Variants in NRXN1 observed in about 807,000 individuals in gnomAD.
NRXN1 encodes the protein neurexin 1, also known as neurexin-1.
Under a neutral mutation model 150.9 loss-of-function variants are expected in NRXN1, and 39 were observed. The observed-to-expected ratio is 0.26, with a 90% CI of 0.20 to 0.34. The LOEUF (loss-of-function observed/expected upper bound fraction) is 0.34, where lower values mean the gene tolerates loss of function less well. NRXN1 is among the 10% of genes least tolerant of loss of function. NRXN1 has a pLI of 1.00. For synonymous variants in NRXN1, 924 were observed against 757.0 expected (o/e 1.22, Z -3.62); for missense variants, 1,815 against 1,949.9 (o/e 0.93, Z 1.30).
At chr2:50,122,973 TTC>T (rs1704074166) in intron 18 of NRXN1, among the ~76,000 whole-genome samples, 1 of 152,226 alleles carries the variant, frequency 6.6e-6, no homozygotes, top group Admixed American at 6.5e-5. Context: ...AAAATTTGTC[TTC>T]TCTCTGTTTG....
chr2:50,374,485 C>T (rs1321087699), intron 17 of NRXN1, among the ~76,000 whole-genome samples: 2 of 151,908 alleles, frequency 1.3e-5, no homozygotes, highest in African/African-American at 4.8e-5. Context: ...AACTCATAGA[C>T]ATAAGTGGAA....
intron 17 of NRXN1, among the ~76,000 whole-genome samples, chr2:50,446,593 C>T (rs990851880): frequency 7.0e-6 from 1 of 142,320 alleles, no homozygotes; most frequent in Admixed American, 7.2e-5. Context: ...TTCCTTCCTT[C>T]CTCCCTCCCT....
intron 5 of NRXN1, among the ~76,000 whole-genome samples, chr2:50,807,335 A>G (rs1257775490): frequency 6.6e-6 from 1 of 152,146 alleles, no homozygotes; most frequent in Non-Finnish European, 1.5e-5. Flanking sequence ...GGGATCAACT[A>G]ACTAATATCA....
chr2:50,566,683 A>G (rs1669927397), intron 8 of NRXN1, among the ~76,000 whole-genome samples: 1 of 152,168 alleles, frequency 6.6e-6, no homozygotes, highest in South Asian at 2.1e-4. Flanking sequence ...TTTTATCTCC[A>G]TACTAAAGCT....
chr2:50,092,465 ACTGT>A (rs1436267091), intron 18 of NRXN1, among the ~76,000 whole-genome samples: 2 of 152,264 alleles, frequency 1.3e-5, no homozygotes, highest in East Asian at 1.9e-4. Context: ...ATAACCTCAA[ACTGT>A]CTGTGGTTCA....
chr2:50,059,542 G>C (rs1283354882), intron 19 of NRXN1, among the ~76,000 whole-genome samples: 1 of 152,188 alleles, frequency 6.6e-6, no homozygotes, highest in Non-Finnish European at 1.5e-5. Context: ...AATTTGCATA[G>C]GTAATGAGGA....
rs1387467061 is a variant in NRXN1, at chr2:50,780,814, G to C, written c.832+141055C>G. The stretch of plus-strand genomic sequence containing the variant: ...ATCTCCATTAAAATGTTACAAGTCT[G>C]TTTTGTGTGTTTTGTTCATCTTTGC... On this transcript the variant is annotated intron_variant, in intron 5 of 22. Transcript: ENST00000401669. 2.0e-5 allele frequency among the ~76,000 whole-genome samples: 3 copies of C among 152,080 alleles called. No homozygotes were observed. The East Asian group carries it at 5.8e-4, about 29-fold the overall frequency.
chr2:50,076,033 CTGTGA>C (rs1015085529), intron 19 of NRXN1, among the ~76,000 whole-genome samples: 52 of 152,232 alleles, frequency 3.4e-4, no homozygotes, highest in Admixed American at 9.2e-4. Context: ...TTTTACTCTT[CTGTGA>C]TATCAGCCTT....
intron 18 of NRXN1, among the ~76,000 whole-genome samples, chr2:50,178,334 T>C (rs940632901): frequency 3.3e-5 from 5 of 151,954 alleles, no homozygotes; most frequent in African/African-American, 1.2e-4. Context: ...GGGATAACTT[T>C]AAATTTGGGT....
chr2:50,752,436 A>C (rs1316139218), intron 5 of NRXN1, among the ~76,000 whole-genome samples: 1 of 151,970 alleles, frequency 6.6e-6, no homozygotes, highest in East Asian at 1.9e-4. Flanking sequence ...TCTGCCAAGT[A>C]CCAAGCTAAT....
At chr2:50,414,518 T>C (rs1014551091) in intron 17 of NRXN1, among the ~76,000 whole-genome samples, 1 of 152,104 alleles carries the variant, frequency 6.6e-6, no homozygotes, top group African/African-American at 2.4e-5. Context: ...AGATGTTTTT[T>C]TAATAAAAAA....
At position 50,089,721 on chromosome 2, in the gene NRXN1, T is replaced by C. The variant is rs141395952; in HGVS notation, c.3718+1602A>G. On this transcript the variant is annotated intron_variant, in intron 19 of 22. Transcript: ENST00000401669. Reference sequence around the variant, plus strand: ...AGGAGGATCCTGTGAGCCCAGGAGTTTGAGGTTACAGTGAGCTATGACTGC... The same window carrying C: ...AGGAGGATCCTGTGAGCCCAGGAGTCTGAGGTTACAGTGAGCTATGACTGC... Among the ~76,000 whole-genome samples the C allele has an allele frequency of 2.2e-3, 336 of 152,072 alleles. 1 individual carries two copies. The highest frequency in any genetic ancestry group is 4.0e-3 in the Non-Finnish European group (271 of 67,998).
At chr2:50,298,613 T>C (rs1429040392) in intron 17 of NRXN1, among the ~76,000 whole-genome samples, 1 of 152,166 alleles carries the variant, frequency 6.6e-6, no homozygotes, top group Non-Finnish European at 1.5e-5. Context: ...ACTTCTTTCC[T>C]TCCCAAGAGG....
chr2:50,824,008 A>T (rs1234680745), intron 5 of NRXN1, among the ~76,000 whole-genome samples: 2 of 152,204 alleles, frequency 1.3e-5, no homozygotes, highest in African/African-American at 4.8e-5. Context: ...CACAATGAAC[A>T]AGAAATGAGA....
chr2:51,015,375 T>C (rs757747360), intron 2 of NRXN1, among the ~76,000 whole-genome samples: 1 of 152,048 alleles, frequency 6.6e-6, no homozygotes, highest in Non-Finnish European at 1.5e-5. Flanking sequence ...CTCAGAATTG[T>C]GTATTTGGCT....
chr2:50,982,472 T>C (rs922153511), intron 2 of NRXN1, among the ~76,000 whole-genome samples: 10 of 152,072 alleles, frequency 6.6e-5, no homozygotes, highest in Non-Finnish European at 1.2e-4. Flanking sequence ...AACACTAACC[T>C]GACATCAAAA....
At chr2:50,254,380 ATTTTTTGAAGAGT>A (rs1247452084) in intron 17 of NRXN1, among the ~76,000 whole-genome samples, 2 of 148,630 alleles carry the variant, frequency 1.3e-5, no homozygotes, top group African/African-American at 5.0e-5. Flanking sequence ...GGATTCATTG[ATTTTTTGAAGAGT>A]TTTTTTGTGT....
chr2:51,009,544 T>C (rs545476265), intron 2 of NRXN1, among the ~76,000 whole-genome samples: 4 of 151,936 alleles, frequency 2.6e-5, no homozygotes, highest in Non-Finnish European at 5.9e-5. Flanking sequence ...CCATTATGCC[T>C]GCACAAATTT....
chr2:49,967,986 T>A (rs1288917929), intron 21 of NRXN1, among the ~76,000 whole-genome samples: 1 of 152,014 alleles, frequency 6.6e-6, no homozygotes, highest in Non-Finnish European at 1.5e-5. Flanking sequence ...TTAAGCTGCT[T>A]ACTGAGAAAA....
Sources: allele counts gnomAD v4.1 joint callset (sites outside exome capture counted in the v4.1 genomes callset), GRCh38; gene constraint gnomAD v4.1.1; transcripts MANE v1.5; gene names NCBI Gene and HGNC (gene_info 2026-07-23, HGNC 2026-07-21).